STK33: variants seen among roughly 807,000 people sequenced by gnomAD.
STK33 encodes serine/threonine-protein kinase 33.
STK33 carries 52 observed loss-of-function variants against 58.0 expected under a neutral mutation model. That is an observed-to-expected ratio of 0.90 (90% confidence interval 0.72 to 1.13). The LOEUF (loss-of-function observed/expected upper bound fraction) is 1.13, where lower values mean the gene tolerates loss of function less well. Among genes scored for constraint, STK33 ranks in the 50% most tolerant of loss-of-function variants. STK33 has a pLI of 0.00. For missense variants in STK33, 630 were observed against 604.2 expected (o/e 1.04, Z -0.45); for synonymous variants, 215 against 200.1 (o/e 1.07, Z -0.63).
chr11:8,462,202 G>A (rs942491119), intron 7 of STK33, among the ~76,000 whole-genome samples: 1 of 151,816 alleles, frequency 6.6e-6, no homozygotes. Flanking sequence ...CATGGTATCT[G>A]TCTCCTCACA....
At chr11:8,573,857 T>C (rs1957995218) in intron 1 of STK33, among the ~76,000 whole-genome samples, 1 of 152,188 alleles carries the variant, frequency 6.6e-6, no homozygotes. Context: ...TATATAACAT[T>C]CTTGAAATAA....
chr11:8,450,886 A>T (rs1946193923), intron 11 of STK33, among the ~76,000 whole-genome samples: 1 of 152,250 alleles, frequency 6.6e-6, no homozygotes, highest in South Asian at 2.1e-4. Context: ...CAATAGGTAC[A>T]GATTTAAATA....
the STK33 span, among the ~76,000 whole-genome samples, chr11:8,375,632 A>C: frequency 6.6e-5 from 10 of 152,248 alleles, no homozygotes; most frequent in Admixed American, 3.3e-4. Flanking sequence ...TTCTTTCCCT[A>C]GAAAGTGGAG....
intron 1 of STK33, among the ~76,000 whole-genome samples, chr11:8,553,189 T>TC (rs1331157828): frequency 1.3e-5 from 1 of 75,684 alleles, no homozygotes; most frequent in Non-Finnish European, 2.3e-5. Flanking sequence ...TATATATATA[T>TC]ATATATATGG....
At chr11:8,344,198 A>AACACACACACACACACACACACAC in the STK33 span, among the ~76,000 whole-genome samples, 153 of 137,224 alleles carry the variant, frequency 1.1e-3, no homozygotes, top group South Asian at 2.0e-3. Context: ...AAACAAACAA[A>AACACACACACACACACACACACAC]ACACACACAC....
the STK33 span, among the ~76,000 whole-genome samples, chr11:8,353,234 G>A: frequency 6.6e-6 from 1 of 152,230 alleles, no homozygotes; most frequent in African/African-American, 2.4e-5. Context: ...CCCTTCCTGG[G>A]TCAGCAAGAA....
chr11:8,461,856 A>C lies in STK33; in HGVS notation c.507T>G (p.Ser169Arg). The C allele has an allele frequency of 1.2e-6, 2 of 1,603,020 alleles. No homozygotes were observed. Among genetic ancestry groups the C allele is most frequent in the Admixed American group, 1.7e-5 (1 of 57,502 alleles). The change falls in exon 8 of 16, where the codon AGT (serine) becomes AGG (arginine). Residue 169 changes from serine to arginine, a missense_variant. Ser to Arg is a moderately radical substitution (Grantham distance 110). Transcript: ENST00000687296. Reference sequence around the variant, plus strand: ...GATGTATGATGTGTTCATGTTTTACACTTTTCAGAATGTTCACCTCTCGTT... The same window carrying C: ...GATGTATGATGTGTTCATGTTTTACCCTTTTCAGAATGTTCACCTCTCGTT... ...LLEREVNILK[S>R]VKHEHIIHLE... is the part of the protein sequence containing the mutation.
chr11:8,571,857 C>A (rs754362496), intron 1 of STK33, among the ~76,000 whole-genome samples: 1 of 142,922 alleles, frequency 7.0e-6, no homozygotes, highest in Non-Finnish European at 1.5e-5. Flanking sequence ...GTTAAAATGT[C>A]AATTTTATAT....
chr11:8,455,866 T>TTGAA (rs1946803055), intron 9 of STK33, among the ~76,000 whole-genome samples: 2 of 149,296 alleles, frequency 1.3e-5, no homozygotes, highest in Admixed American at 1.3e-4. Context: ...GAGGAATGCA[T>TTGAA]TGAATGAGTC....
the STK33 span, among the ~76,000 whole-genome samples, chr11:8,341,052 T>A: frequency 5.0e-4 from 76 of 152,264 alleles, 2 homozygotes; most frequent in East Asian, 0.013. Context: ...GAGACGGGGT[T>A]TCATCATGTT....
At chr11:8,408,312 G>GAC (rs1939619944) in intron 15 of STK33, among the ~76,000 whole-genome samples, 1 of 152,216 alleles carries the variant, frequency 6.6e-6, no homozygotes, top group Non-Finnish European at 1.5e-5. Flanking sequence ...AGCATGGCCA[G>GAC]ACAGCTATAG....
At chr11:8,361,541 G>A in the STK33 span, among the ~76,000 whole-genome samples, 1 of 149,418 alleles carries the variant, frequency 6.7e-6, no homozygotes, top group Non-Finnish European at 1.5e-5. The surrounding 1 kb of genome is among the most constrained non-coding windows in gnomAD (Gnocchi z 4.8). Context: ...CTCTCAATGT[G>A]CCAGGCTCGC....
chr11:8,522,814 C>T (rs1329809451), intron 1 of STK33, among the ~76,000 whole-genome samples: 1 of 152,162 alleles, frequency 6.6e-6, no homozygotes, highest in Admixed American at 6.5e-5. Context: ...CCTCGTCTCC[C>T]CTTTCCACGG....
intron 10 of STK33, among the ~76,000 whole-genome samples, chr11:8,453,489 CAACA>C (rs1946521812): frequency 6.6e-6 from 1 of 152,108 alleles, no homozygotes; most frequent in Non-Finnish European, 1.5e-5. Context: ...TTAAAAACTA[CAACA>C]AGCATATTAA....
intron 1 of STK33, among the ~76,000 whole-genome samples, chr11:8,553,122 T>C (rs1229015474): frequency 4.8e-5 from 7 of 144,842 alleles, no homozygotes; most frequent in South Asian, 2.2e-4. Flanking sequence ...GAAGCCACTG[T>C]ACTCTAGCGT....
chr11:8,458,092 C>T (rs573210286), intron 8 of STK33, among the ~76,000 whole-genome samples: 12 of 152,042 alleles, frequency 7.9e-5, no homozygotes, highest in African/African-American at 9.6e-5. Flanking sequence ...AAGCTAGTGC[C>T]GGGGTTGCGG....
At chr11:8,500,079 A>G (rs537314952) in intron 1 of STK33, among the ~76,000 whole-genome samples, 4 of 152,222 alleles carry the variant, frequency 2.6e-5, no homozygotes, top group Admixed American at 2.6e-4. Flanking sequence ...TTTTAAAAAA[A>G]CATAAGTAAC....
chr11:8,547,613 T>C (rs1956026721), intron 1 of STK33, among the ~76,000 whole-genome samples: 1 of 152,222 alleles, frequency 6.6e-6, no homozygotes. Flanking sequence ...TCCTTATCTA[T>C]TCTGGTTATG....
downstream of STK33, among the ~76,000 whole-genome samples, chr11:8,390,160 T>C (rs1380419211): frequency 2.0e-5 from 3 of 152,226 alleles, no homozygotes; most frequent in African/African-American, 7.2e-5. Flanking sequence ...CAAATGAATT[T>C]GTCCCCAGCT....
Sources: allele counts gnomAD v4.1 joint callset (sites outside exome capture counted in the v4.1 genomes callset), GRCh38; gene constraint gnomAD v4.1.1; non-coding constraint Gnocchi (gnomAD v3.1); transcripts MANE v1.5; gene names NCBI Gene and HGNC (gene_info 2026-07-23, HGNC 2026-07-21).